POLR1B: variants seen among roughly 807,000 people sequenced by gnomAD.
The protein encoded by POLR1B is DNA-directed RNA polymerase I subunit RPA2.
A neutral mutation model predicts 105.8 loss-of-function variants in POLR1B; 30 were observed. The ratio of observed to expected loss-of-function variants is 0.28; its 90% CI spans 0.21 to 0.38. POLR1B has a LOEUF of 0.38. POLR1B is among the 10% of genes least tolerant of loss of function. The probability of loss-of-function intolerance (pLI) is 1.00; values close to 1 mark genes in which losing one functional copy is unlikely to be tolerated. For synonymous variants in POLR1B, 485 were observed against 505.1 expected (o/e 0.96, Z 0.53); for missense variants, 976 against 1,435.8 (o/e 0.68, Z 5.17).
chr2:112,572,985 T>C (rs1574137613), intron 13 of POLR1B, among the ~76,000 whole-genome samples: 1 of 152,268 alleles, frequency 6.6e-6, no homozygotes, highest in African/African-American at 2.4e-5. Context: ...GTGCATATTA[T>C]GAGTAAATTT....
intron 12 of POLR1B, among the ~76,000 whole-genome samples, chr2:112,570,771 CTTTTTTTTTTCTT>C (rs1558665233): frequency 1.6e-5 from 2 of 122,658 alleles, no homozygotes; most frequent in African/African-American, 3.1e-5. Flanking sequence ...CTACTTGTTT[CTTTTTTTTTTCTT>C]TTTTTTTTTT....
Position 112,557,983 on chromosome 2 carries a change from T to C in POLR1B, c.1232T>C (p.Met411Thr), listed in dbSNP as rs763379305. 2 of 1,419,576 alleles carry C rather than the reference T, an allele frequency of 1.4e-6. No individual in the cohort carries two copies. The highest frequency in any genetic ancestry group is 1.9e-6 in the Non-Finnish European group (2 of 1,071,470). 87.9% of individuals were successfully genotyped at this position (1,419,576 alleles called of 1,614,324 possible). A position where few individuals can be genotyped will look rare whatever the true frequency, so the allele number is the denominator to read the frequency against. The part of the protein sequence containing the change: ...DKKAQKTSVS[M>T]NTDNLMRIFT... ...AAGGCTCAGAAGACCAGTGTTTCCA[T>C]GAACACTGACAATTTGATGAGGATT... The change falls in exon 8 of 15, where the codon ATG (methionine) becomes ACG (threonine). Residue 411 changes from methionine to threonine, a missense_variant. By Grantham distance (81) the Met-to-Thr change is moderately conservative. Around this residue, in one of 12 missense-constraint regions of POLR1B, gnomAD observed 452 missense variants for 616.5 expected, o/e 0.73. Coordinates refer to ENST00000263331, the MANE Select transcript of POLR1B (RefSeq NM_019014.6).
At chr2:112,571,312 C>T (rs759864413) in intron 12 of POLR1B, among the ~76,000 whole-genome samples, 2 of 152,038 alleles carry the variant, frequency 1.3e-5, no homozygotes. Context: ...ATGAACATTG[C>T]GAGGAGTATG....
intron 7 of POLR1B, among the ~76,000 whole-genome samples, chr2:112,554,167 C>T (rs1683524570): frequency 6.6e-6 from 1 of 151,840 alleles, no homozygotes; most frequent in African/African-American, 2.4e-5. Context: ...GAGTCTTGCT[C>T]TGTCTCCCAG....
intron 9 of POLR1B, 34 bp from the exon 10 acceptor site, chr2:112,564,332 C>T (rs201878849): frequency 7.1e-5 from 115 of 1,610,654 alleles, no homozygotes; most frequent in Non-Finnish European, 4.2e-6. Context: ...ATGAAGCATT[C>T]TGATGTGATT....
At chr2:112,562,010 C>A (rs773517692) in intron 9 of POLR1B, among the ~76,000 whole-genome samples, 8 of 152,096 alleles carry the variant, frequency 5.3e-5, no homozygotes, top group African/African-American at 1.9e-4. Flanking sequence ...CAAAAAATCA[C>A]ACCAACAAAA....
intron 9 of POLR1B, among the ~76,000 whole-genome samples, chr2:112,559,780 G>A (rs145928801): frequency 1.5e-3 from 229 of 152,040 alleles, no homozygotes; most frequent in Non-Finnish European, 2.4e-3. Context: ...ACAGGCGCCC[G>A]CCACCACACC....
At chr2:112,574,777 TA>T in intron 14 of POLR1B, 69 bp from the exon 15 acceptor site, 1 of 1,291,372 alleles carries the variant, frequency 7.7e-7, no homozygotes, top group Non-Finnish European at 1.1e-6. Flanking sequence ...AAGCACTAAT[TA>T]TATCAATGAA....
At chr2:112,562,061 C>CCT (rs1684017332) in intron 9 of POLR1B, among the ~76,000 whole-genome samples, 1 of 152,044 alleles carries the variant, frequency 6.6e-6, no homozygotes. Flanking sequence ...ACAGACTGGG[C>CCT]AAGGGGCACT....
intron 7 of POLR1B, among the ~76,000 whole-genome samples, chr2:112,557,492 G>C (rs1213258631): frequency 1.3e-5 from 2 of 152,196 alleles, no homozygotes. Context: ...CAGGTTTTTG[G>C]TTTTGATGTA....
intron 12 of POLR1B, among the ~76,000 whole-genome samples, chr2:112,571,373 T>G (rs536902321): frequency 1.3e-5 from 2 of 152,334 alleles, no homozygotes; most frequent in Non-Finnish European, 2.9e-5. Flanking sequence ...TGGTTTTGTT[T>G]GTTTTTAGTG....
chr2:112,567,609 G>A (rs138557251), intron 10 of POLR1B, among the ~76,000 whole-genome samples: 61 of 152,072 alleles, frequency 4.0e-4, no homozygotes, highest in African/African-American at 1.5e-3. Context: ...GAACCTCTGG[G>A]CTCAAGTGAT....
Position 112,572,544 on chromosome 2 carries a change from T to TA in POLR1B, c.2075-18_2075-17insA. On this transcript the variant is annotated splice_polypyrimidine_tract_variant and intron_variant, in intron 12 of 14. Coordinates refer to ENST00000263331, the MANE Select transcript of POLR1B (RefSeq NM_019014.6). Reference sequence around the variant, plus strand: ...ATGAAAGCAGCAGAAAATGCTAAGATGTTTTTTCTCCATGTAGGTAAGCAA... The same window carrying TA: ...ATGAAAGCAGCAGAAAATGCTAAGATAGTTTTTTCTCCATGTAGGTAAGCAA... The TA allele has an allele frequency of 6.6e-7, 1 of 1,523,748 alleles. No individual in the cohort carries two copies. The highest frequency in any genetic ancestry group is 1.3e-5 in the South Asian group (1 of 78,440). 94.4% of individuals were successfully genotyped at this position (1,523,748 alleles called of 1,614,324 possible).
intron 9 of POLR1B, among the ~76,000 whole-genome samples, chr2:112,563,133 T>C (rs1233997189): frequency 2.7e-5 from 4 of 150,744 alleles, no homozygotes; most frequent in Non-Finnish European, 5.9e-5. Flanking sequence ...CGGCTCACTG[T>C]AAGCTCTGCC....
chr2:112,542,440 G>A (rs745960508), upstream of POLR1B: 3 of 1,328,802 alleles, frequency 2.3e-6, no homozygotes, highest in Non-Finnish European at 1.0e-6. Flanking sequence ...CGTGTACCGA[G>A]AGACTGGCGT....
At chr2:112,569,821 A>G (rs1023489599) in intron 12 of POLR1B, among the ~76,000 whole-genome samples, 3 of 151,832 alleles carry the variant, frequency 2.0e-5, no homozygotes, top group African/African-American at 7.3e-5. Context: ...TGGCCTCCCA[A>G]AGTGCTGTAT....
chr2:112,563,889 C>T (rs1376946200), intron 9 of POLR1B, among the ~76,000 whole-genome samples: 2 of 152,054 alleles, frequency 1.3e-5, no homozygotes, highest in Admixed American at 6.6e-5. Flanking sequence ...AGAGCAAGAC[C>T]CTGTCTCAAA....
chr2:112,571,332 C>T (rs1380833577), intron 12 of POLR1B, among the ~76,000 whole-genome samples: 1 of 152,050 alleles, frequency 6.6e-6, no homozygotes, highest in East Asian at 1.9e-4. Context: ...GTTTTAAACC[C>T]TGGATCCTGT....
chr2:112,566,273 G>A (rs1319052898), intron 10 of POLR1B, among the ~76,000 whole-genome samples: 1 of 152,194 alleles, frequency 6.6e-6, no homozygotes, highest in Non-Finnish European at 1.5e-5. Context: ...TTAATTCACT[G>A]TACAGTTTCT....
Sources: gnomAD v4.1 joint callset for allele counts (sites outside exome capture counted in the v4.1 genomes callset) on GRCh38, gnomAD v4.1.1 for gene constraint, gnomAD v4.1.1 regional missense constraint, MANE v1.5 for transcripts, NCBI Gene and HGNC (gene_info 2026-07-23, HGNC 2026-07-21) for gene names.